The following CCSER1 variants were observed in gnomAD, a reference collection of about 807,000 sequenced individuals.
CCSER1 encodes coiled-coil serine rich protein 1.
CCSER1 carries 41 observed loss-of-function variants against 82.0 expected under a neutral mutation model. The ratio of observed to expected loss-of-function variants is 0.50; its 90% CI spans 0.39 to 0.65. The LOEUF (loss-of-function observed/expected upper bound fraction) is 0.65. CCSER1 is among the 30% of genes least tolerant of loss of function. CCSER1 has a pLI of 0.00. For synonymous variants in CCSER1, 414 were observed against 383.9 expected (o/e 1.08, Z -0.92); for missense variants, 1,119 against 1,064.2 (o/e 1.05, Z -0.72).
intron 9 of CCSER1, among the ~76,000 whole-genome samples, chr4:90,946,797 C>A (rs1732304258): frequency 6.6e-6 from 1 of 152,146 alleles, no homozygotes; most frequent in South Asian, 2.1e-4. Context: ...CCAAACCTCA[C>A]CCATAGCACA....
rs992416694 is a variant in CCSER1, at chr4:90,308,270, A to G, written c.-15A>G. Reference sequence around the variant, plus strand: ...CTGCAAAGTTGGCTTTCACAGTGCAAGCCTTTGATTCCCAATGGGGGACTC... The same window carrying G: ...CTGCAAAGTTGGCTTTCACAGTGCAGGCCTTTGATTCCCAATGGGGGACTC... On this transcript the variant is annotated 5_prime_UTR_variant, in exon 2 of 11. Transcript: ENST00000509176. 21 of 1,549,644 alleles carry G rather than the reference A, an allele frequency of 1.4e-5. No homozygotes were observed. In the Admixed American group the frequency reaches 4.0e-4, roughly 29 times the overall value.
chr4:90,585,888 A>T (rs1371508104), intron 5 of CCSER1, among the ~76,000 whole-genome samples: 1 of 152,190 alleles, frequency 6.6e-6, no homozygotes, highest in African/African-American at 2.4e-5. Flanking sequence ...ACACTGTGCT[A>T]TGTGACATTA....
chr4:90,829,954 G>A (rs570420275), intron 8 of CCSER1, among the ~76,000 whole-genome samples: 4 of 152,078 alleles, frequency 2.6e-5, no homozygotes, highest in African/African-American at 9.6e-5. Context: ...ATCACACTTC[G>A]CCATTTTGAC....
At chr4:90,724,540 A>G in intron 7 of CCSER1, 1 of 219,942 alleles carries the variant, frequency 4.5e-6, no homozygotes, top group Admixed American at 5.4e-5. Context: ...AGCTATATAC[A>G]TAACAAATAC....
chr4:91,302,486 C>A (rs927498653), intron 10 of CCSER1, among the ~76,000 whole-genome samples: 5 of 151,916 alleles, frequency 3.3e-5, no homozygotes, highest in Admixed American at 1.3e-4. Flanking sequence ...CTATTTTTGA[C>A]TCTTGGTTTC....
intron 4 of CCSER1, among the ~76,000 whole-genome samples, chr4:90,426,268 A>G (rs1757516038): frequency 6.6e-6 from 1 of 152,252 alleles, no homozygotes; most frequent in Non-Finnish European, 1.5e-5. Flanking sequence ...CTATTCAACT[A>G]ACAAAATAGA....
intron 4 of CCSER1, among the ~76,000 whole-genome samples, chr4:90,436,894 C>T (rs1759078543): frequency 6.6e-6 from 1 of 151,636 alleles, no homozygotes; most frequent in Admixed American, 6.6e-5. Context: ...GCAAGCTCTT[C>T]CTCCCGGGTT....
intron 9 of CCSER1, among the ~76,000 whole-genome samples, chr4:91,028,898 T>C (rs1325691921): frequency 6.7e-6 from 1 of 150,114 alleles, no homozygotes; most frequent in Non-Finnish European, 1.5e-5. Context: ...ATTAATACTT[T>C]GTTCAAGACA....
chr4:91,349,043 G>A (rs1016937275), intron 10 of CCSER1, among the ~76,000 whole-genome samples: 1 of 152,010 alleles, frequency 6.6e-6, no homozygotes, highest in Admixed American at 6.6e-5. Flanking sequence ...CAAGTAGGTG[G>A]GACTACAGGC....
chr4:90,241,241 T>A (rs1202162862), intron 1 of CCSER1, among the ~76,000 whole-genome samples: 2 of 152,204 alleles, frequency 1.3e-5, no homozygotes, highest in African/African-American at 4.8e-5. Context: ...GTGACTGCTT[T>A]CTGGTGCTTT....
chr4:90,387,138 G>A (rs1395720012), intron 3 of CCSER1, among the ~76,000 whole-genome samples: 1 of 151,872 alleles, frequency 6.6e-6, no homozygotes, highest in Non-Finnish European at 1.5e-5. Flanking sequence ...AACCAGGAAG[G>A]CTTTAACCTA....
rs546729819 is a variant in CCSER1, at chr4:91,346,534, A to T, written c.2218-252038A>T. Among the ~76,000 whole-genome samples, 5 of 152,302 alleles carry T rather than the reference A, an allele frequency of 3.3e-5. No homozygotes were observed. In the East Asian group the frequency reaches 9.7e-4, roughly 29 times the overall value. ...CACAATTGCTGGATCCTATGATAAG[A>T]GTGTGTTTAATTTTATAAAAAATTG... is the stretch of plus-strand genomic sequence containing the variant. On this transcript the variant is annotated intron_variant, in intron 10 of 10. Coordinates refer to ENST00000509176, the MANE Select transcript of CCSER1 (RefSeq NM_001145065.2).
chr4:90,513,529 G>A (rs1024178837), intron 5 of CCSER1, among the ~76,000 whole-genome samples: 5 of 152,038 alleles, frequency 3.3e-5, no homozygotes, highest in Admixed American at 6.6e-5. Context: ...TTTTTCTCTC[G>A]ATTAGAATGC....
chr4:91,374,879 C>A (rs567762796), intron 10 of CCSER1, among the ~76,000 whole-genome samples: 2 of 152,086 alleles, frequency 1.3e-5, no homozygotes, highest in South Asian at 2.1e-4. Flanking sequence ...ACCTGTAGTA[C>A]CAGCTACTTA....
chr4:90,995,699 A>G (rs1189048431), intron 9 of CCSER1, among the ~76,000 whole-genome samples: 2 of 152,080 alleles, frequency 1.3e-5, no homozygotes, highest in Admixed American at 6.6e-5. Flanking sequence ...ACAATAACAT[A>G]ATTAAGAAAG....
rs1013240996 is a variant in CCSER1 at position 91,071,582 on chromosome 4, TAGAC to T, written c.2173-14364_2173-14361del. 4.6e-5 allele frequency among the ~76,000 whole-genome samples: 7 copies of T among 152,122 alleles called. No homozygotes were observed. In the South Asian group the frequency reaches 8.3e-4, roughly 18 times the overall value. ...TATAGAGAGATGGGGACAGACATAA[TAGAC>T]AGATTCATATGCAAATAATCATAAT... On this transcript the variant is annotated intron_variant, in intron 9 of 10. Coordinates refer to ENST00000509176, the MANE Select transcript of CCSER1 (RefSeq NM_001145065.2).
At chr4:90,733,512 G>A (rs1417109219) in intron 7 of CCSER1, among the ~76,000 whole-genome samples, 2 of 151,904 alleles carry the variant, frequency 1.3e-5, no homozygotes, top group African/African-American at 4.8e-5. Context: ...TTCCTTTGTT[G>A]TGCAAAAGCT....
intron 7 of CCSER1, among the ~76,000 whole-genome samples, chr4:90,760,370 A>C (rs1345639645): frequency 3.3e-5 from 5 of 152,052 alleles, no homozygotes; most frequent in African/African-American, 9.6e-5. Flanking sequence ...TTTTCCTGTC[A>C]TATAAAATCT....
intron 4 of CCSER1, among the ~76,000 whole-genome samples, chr4:90,446,255 TA>T (rs1276505058): frequency 6.6e-6 from 1 of 152,198 alleles, no homozygotes; most frequent in Non-Finnish European, 1.5e-5. Context: ...ATTAACATAT[TA>T]AAAATCCAGA....
Sources: gnomAD v4.1 joint callset for allele counts (sites outside exome capture counted in the v4.1 genomes callset) on GRCh38, gnomAD v4.1.1 for gene constraint, MANE v1.5 for transcripts, NCBI Gene and HGNC (gene_info 2026-07-23, HGNC 2026-07-21) for gene names.